The following ALDH7A1 variants were observed in gnomAD, a reference collection of about 807,000 sequenced individuals.
ALDH7A1 encodes aldehyde dehydrogenase 7 family member A1.
A neutral mutation model predicts 79.9 loss-of-function variants in ALDH7A1; 63 were observed. The ratio of observed to expected loss-of-function variants is 0.79; its 90% CI spans 0.64 to 0.97. The LOEUF is 0.97. ALDH7A1 is among the 50% of genes least tolerant of loss of function. ALDH7A1 has a pLI of 0.00. For missense variants in ALDH7A1, 627 were observed against 665.2 expected (o/e 0.94, Z 0.63); for synonymous variants, 240 against 231.2 (o/e 1.04, Z -0.34).
In ALDH7A1 at chr5:126,582,926, G is replaced by A. The variant is rs551773096; in HGVS notation, c.442C>T (p.Gln148Ter). Residue 148 changes from glutamine (Q) to a stop codon, truncating the protein, a stop_gained, in exon 5 of 18, where the codon CAG becomes TAG. Coordinates refer to ENST00000409134, the MANE Select transcript of ALDH7A1 (RefSeq NM_001182.5). LOFTEE classifies it high-confidence loss of function. ...TAGTCACAGATATCCACATACTCCT[G>A]AACTTCACCCACACCTTCCACTAAG... ...KILVEGVGEV[Q>*]EYVDICDYAV... The A allele has an allele frequency of 6.2e-7, 1 of 1,613,730 alleles. No homozygotes were observed. The highest frequency in any genetic ancestry group is 8.5e-7 in the Non-Finnish European group (1 of 1,179,912).
At chr5:126,582,777 C>A in intron 5 of ALDH7A1, 74 bp downstream of exon 5, 1 of 1,565,740 alleles carries the variant, frequency 6.4e-7, no homozygotes, top group Non-Finnish European at 8.8e-7. Flanking sequence ...CAGTCAATAG[C>A]CAGAGTATTT....
At chr5:126,576,995 G>A (rs1179484755) in intron 6 of ALDH7A1, 84 bp downstream of exon 6, 1 of 1,567,684 alleles carries the variant, frequency 6.4e-7, no homozygotes, top group Non-Finnish European at 8.8e-7. Flanking sequence ...TATAATCCCA[G>A]TTACTGAAGA....
At chr5:126,567,912 TA>T (rs1413847428) in intron 9 of ALDH7A1, 6 of 315,980 alleles carry the variant, frequency 1.9e-5, no homozygotes, top group Non-Finnish European at 3.7e-5. Context: ...GCCTCCCGAG[TA>T]GCTGGGACTA....
At chr5:126,588,577 T>G (rs963301530) in intron 3 of ALDH7A1, 1 of 152,110 alleles carries the variant, frequency 6.6e-6, no homozygotes, top group African/African-American at 2.4e-5. Flanking sequence ...ACACATACAA[T>G]AGACGTTTCT....
At chr5:126,583,793 T>C in intron 4 of ALDH7A1, 139 bp downstream of exon 4, 1 of 703,348 alleles carries the variant, frequency 1.4e-6, no homozygotes, top group South Asian at 1.8e-5. Context: ...TGAGCCAAGA[T>C]TTTACCACTG....
chr5:126,547,568 A>G (rs562678209), intron 16 of ALDH7A1, among the ~76,000 whole-genome samples: 9 of 152,262 alleles, frequency 5.9e-5, no homozygotes, highest in Admixed American at 3.3e-4. Context: ...CAAGAAGAAA[A>G]TGAAAAGAAC....
intron 7 of ALDH7A1, among the ~76,000 whole-genome samples, chr5:126,574,042 A>AAAAG (rs1750877409): frequency 6.6e-6 from 1 of 150,836 alleles, no homozygotes; most frequent in African/African-American, 2.5e-5. Context: ...AAAAAAAAAA[A>AAAAG]AAAAGAAAAC....
chr5:126,559,753 T>C (rs143608418), intron 10 of ALDH7A1, among the ~76,000 whole-genome samples: 1 of 152,180 alleles, frequency 6.6e-6, no homozygotes, highest in Non-Finnish European at 1.5e-5. Flanking sequence ...TAAAGTGCAG[T>C]AAAAGAACAT....
chr5:126,556,410 T>C (rs1425386504), intron 11 of ALDH7A1, among the ~76,000 whole-genome samples: 7 of 151,872 alleles, frequency 4.6e-5, no homozygotes, highest in Non-Finnish European at 8.8e-5. Flanking sequence ...ACCTGGCTAA[T>C]TTTTTGTATT....
intron 8 of ALDH7A1, chr5:126,570,183 A>G (rs79275206): frequency 0.02 from 3,097 of 153,368 alleles, 102 homozygotes; most frequent in African/African-American, 0.062. Context: ...TATGGGATTA[A>G]TTTCTTGGCT....
chr5:126,587,228 C>T (rs925011500), intron 3 of ALDH7A1: 7 of 152,186 alleles, frequency 4.6e-5, no homozygotes, highest in African/African-American at 1.4e-4. Flanking sequence ...CTGAAACTGG[C>T]TCATGGAAGA....
At chr5:126,575,625 G>A (rs1354315508) in intron 6 of ALDH7A1, among the ~76,000 whole-genome samples, 161 bp from the exon 7 acceptor site, 2 of 152,238 alleles carry the variant, frequency 1.3e-5, no homozygotes, top group Non-Finnish European at 2.9e-5. Flanking sequence ...CTGTCCTTCA[G>A]CTGGGTGTCT....
Position 126,561,133 on chromosome 5 carries a change from A to G in ALDH7A1, c.872-9T>C, listed in dbSNP as rs776053571. ...TTCCAACAGACTTCTCCCTTAAAAG[A>G]AAAAAATTATATATAAAAATTAATG... On this transcript the variant is annotated splice_polypyrimidine_tract_variant and intron_variant, in intron 9 of 17. Coordinates refer to ENST00000409134, the MANE Select transcript of ALDH7A1 (RefSeq NM_001182.5). 1.0e-5 allele frequency: 16 copies of G among 1,604,370 alleles called. No individual in the cohort carries two copies. The highest frequency in any genetic ancestry group is 1.4e-5 in the Non-Finnish European group (16 of 1,174,102).
In ALDH7A1 at chr5:126,575,449, G is replaced by A. The variant is rs758324700; in HGVS notation, c.666C>T (p.Thr222=). 1.9e-6 allele frequency: 3 copies of A among 1,612,880 alleles called. No individual in the cohort carries two copies. Among genetic ancestry groups the A allele is most frequent in the South Asian group, 2.2e-5 (2 of 90,758 alleles). ...GNVCLWKGAP[T]TSLISVAVTK... is the part of the protein sequence containing the mutation. The stretch of plus-strand genomic sequence containing the variant: ...TGACAGCCACACTAATGAGGGAAGT[G>A]GTTGGAGCTCCTTTCCTTAAGAAGG... Residue 222 remains threonine, a synonymous_variant, in exon 7 of 18, where the codon ACC becomes ACT. Coordinates refer to ENST00000409134, the MANE Select transcript of ALDH7A1 (RefSeq NM_001182.5).
intron 3 of ALDH7A1, chr5:126,589,010 A>G (rs1751453446): frequency 6.6e-6 from 1 of 152,032 alleles, no homozygotes; most frequent in African/African-American, 2.4e-5. Context: ...TGAGCATGCC[A>G]CTGTACACTA....
At chr5:126,549,181 C>T (rs1040210091) in intron 16 of ALDH7A1, among the ~76,000 whole-genome samples, 3 of 151,222 alleles carry the variant, frequency 2.0e-5, no homozygotes, top group Non-Finnish European at 2.9e-5. Flanking sequence ...GACACTCATG[C>T]ATTCAGGCAA....
At chr5:126,562,854 T>C (rs1010348919) in intron 9 of ALDH7A1, among the ~76,000 whole-genome samples, 1 of 152,060 alleles carries the variant, frequency 6.6e-6, no homozygotes, top group African/African-American at 2.4e-5. Context: ...GGTTGTACCT[T>C]GTAGACATTA....
At chr5:126,576,025 G>A (rs1373857589) in intron 6 of ALDH7A1, among the ~76,000 whole-genome samples, 1 of 152,098 alleles carries the variant, frequency 6.6e-6, no homozygotes, top group Non-Finnish European at 1.5e-5. Context: ...ACTCTGGGGG[G>A]CCGAGACGGG....
At chr5:126,548,894 TAAAA>T (rs33926729) in intron 16 of ALDH7A1, among the ~76,000 whole-genome samples, 3 of 93,370 alleles carry the variant, frequency 3.2e-5, no homozygotes, top group African/African-American at 1.3e-4. Flanking sequence ...GGCCTGTTTC[TAAAA>T]AAAAAAAAAA....
Sources: gnomAD v4.1 joint callset for allele counts (sites outside exome capture counted in the v4.1 genomes callset) on GRCh38, gnomAD v4.1.1 for gene constraint, MANE v1.5 for transcripts, NCBI Gene and HGNC (gene_info 2026-07-23, HGNC 2026-07-21) for gene names.